Variants in PTPRD observed in about 807,000 individuals in gnomAD.
PTPRD encodes the protein protein tyrosine phosphatase receptor type D, also known as receptor-type tyrosine-protein phosphatase delta.
In PTPRD, 34 loss-of-function variants were observed where a neutral mutation model predicts 214.5. The ratio of observed to expected loss-of-function variants is 0.16; its 90% CI spans 0.12 to 0.21. The LOEUF (loss-of-function observed/expected upper bound fraction) is 0.21, where lower values mean the gene tolerates loss of function less well. PTPRD is among the 10% of genes least tolerant of loss of function. The pLI, the probability that PTPRD is intolerant of heterozygous loss-of-function variation, is 1.00. For missense variants in PTPRD, 2,545 were observed against 2,398.7 expected (o/e 1.06, Z -1.27); for synonymous variants, 1,128 against 845.7 (o/e 1.33, Z -5.79).
At chr9:8,607,908 CAA>C (rs2095295783) in intron 14 of PTPRD, among the ~76,000 whole-genome samples, 1 of 152,102 alleles carries the variant, frequency 6.6e-6, no homozygotes, top group African/African-American at 2.4e-5. Flanking sequence ...TTATAGGAAA[CAA>C]ATATTATTCT....
At chr9:9,865,821 A>T (rs981308016) in intron 5 of PTPRD, among the ~76,000 whole-genome samples, 1 of 152,218 alleles carries the variant, frequency 6.6e-6, no homozygotes, top group East Asian at 1.9e-4. Flanking sequence ...TTAGCCGATT[A>T]AAGATAATTT....
At chr9:8,868,051 T>C (rs926430733) in intron 11 of PTPRD, among the ~76,000 whole-genome samples, 2 of 152,170 alleles carry the variant, frequency 1.3e-5, no homozygotes, top group African/African-American at 4.8e-5. Flanking sequence ...GTCCAAATGT[T>C]TGGACTTGCA....
chr9:9,720,526 A>G (rs2097916816), intron 7 of PTPRD, among the ~76,000 whole-genome samples: 1 of 152,228 alleles, frequency 6.6e-6, no homozygotes, highest in Non-Finnish European at 1.5e-5. Flanking sequence ...GTAAACATAT[A>G]TAGAATGACT....
At chr9:9,915,357 A>C (rs2080422552) in intron 5 of PTPRD, among the ~76,000 whole-genome samples, 1 of 152,136 alleles carries the variant, frequency 6.6e-6, no homozygotes, top group Non-Finnish European at 1.5e-5. Flanking sequence ...TCCAAAAAAA[A>C]CTGATTATCT....
intron 14 of PTPRD, among the ~76,000 whole-genome samples, chr9:8,541,563 G>A (rs1211613670): frequency 6.6e-6 from 1 of 152,028 alleles, no homozygotes; most frequent in Non-Finnish European, 1.5e-5. Flanking sequence ...ATGGGTTTTT[G>A]CTATGTTCCC....
chr9:8,680,253 A>G lies in PTPRD; in HGVS notation c.65-43409T>C, dbSNP rs534139299. On this transcript the variant is annotated intron_variant, in intron 12 of 45. Coordinates refer to ENST00000381196, the MANE Select transcript of PTPRD (RefSeq NM_002839.4). ...CAAAAGCGCTAACACTGGAAAACCA[A>G]TGTTGAAAAGAACCCACAGTTTTCA... Among the ~76,000 whole-genome samples the G allele has an allele frequency of 5.9e-5, 9 of 152,320 alleles. No individual in the cohort carries two copies. In the South Asian group the frequency reaches 1.7e-3, roughly 28 times the overall value.
At chr9:9,136,230 A>G (rs1471803468) in intron 10 of PTPRD, among the ~76,000 whole-genome samples, 1 of 152,058 alleles carries the variant, frequency 6.6e-6, no homozygotes, top group East Asian at 1.9e-4. Context: ...AAGCTCAAGT[A>G]TTTTCATTCC....
chr9:10,464,730 A>C (rs950294363), intron 2 of PTPRD, among the ~76,000 whole-genome samples: 6 of 152,050 alleles, frequency 3.9e-5, no homozygotes, highest in East Asian at 1.9e-4. Flanking sequence ...AGAAAAAAAA[A>C]CTCATCGTCT....
chr9:8,850,353 GAAAAT>G (rs1026342078), intron 11 of PTPRD, among the ~76,000 whole-genome samples: 6 of 152,108 alleles, frequency 3.9e-5, no homozygotes, highest in Non-Finnish European at 7.4e-5. Context: ...TAGATAAAAT[GAAAAT>G]AAAAGAGTTT....
At chr9:10,416,988 C>G (rs905193290) in intron 2 of PTPRD, among the ~76,000 whole-genome samples, 4 of 151,848 alleles carry the variant, frequency 2.6e-5, no homozygotes, top group African/African-American at 9.7e-5. Flanking sequence ...TTCTAAACAA[C>G]TTTTATCTTC....
At chr9:8,869,717 T>C (rs1012458069) in intron 11 of PTPRD, among the ~76,000 whole-genome samples, 11 of 148,500 alleles carry the variant, frequency 7.4e-5, no homozygotes, top group African/African-American at 2.2e-4. Flanking sequence ...TTCTTTCTTC[T>C]GTACTTCTTA....
intron 3 of PTPRD, among the ~76,000 whole-genome samples, chr9:10,124,732 T>G (rs2098802557): frequency 1.3e-5 from 2 of 152,248 alleles, no homozygotes; most frequent in African/African-American, 4.8e-5. Context: ...GTTGTAATAA[T>G]AAAGTTGCAT....
intron 39 of PTPRD, among the ~76,000 whole-genome samples, chr9:8,356,147 T>C (rs1278403441): frequency 1.3e-5 from 2 of 152,210 alleles, no homozygotes; most frequent in African/African-American, 4.8e-5. Flanking sequence ...TATCTCCAGA[T>C]ACCTGAAAAT....
chr9:9,797,740 G>T (rs967679882), intron 5 of PTPRD, among the ~76,000 whole-genome samples: 15 of 151,938 alleles, frequency 9.9e-5, no homozygotes, highest in African/African-American at 3.1e-4. Context: ...CAGCTACTCG[G>T]GGGGGGCTGA....
chr9:9,357,742 G>C (rs1004459795), intron 9 of PTPRD, among the ~76,000 whole-genome samples: 1 of 150,756 alleles, frequency 6.6e-6, no homozygotes, highest in African/African-American at 2.4e-5. Context: ...CAGTTAAGAG[G>C]GCAATAGTGC....
chr9:9,195,107 T>TATATATACAC (rs58832794), intron 9 of PTPRD, among the ~76,000 whole-genome samples: 11 of 141,202 alleles, frequency 7.8e-5, no homozygotes, highest in South Asian at 7.2e-4. Context: ...TATATATATA[T>TATATATACAC]ACACACACAC....
Position 8,948,517 on chromosome 9 carries a change from A to T in PTPRD, c.-104+70180T>A, listed in dbSNP as rs4008145. Among the ~76,000 whole-genome samples, 42 of 10,352 alleles carry T rather than the reference A, an allele frequency of 4.1e-3. 7 individuals carry two copies. Among genetic ancestry groups the T allele is most frequent in the Non-Finnish European group, 0.011 (27 of 2,534 alleles). The allele number at this position is 10,352 out of a possible 152,430, so 6.8% of individuals were successfully genotyped here. ...TTTATATATATATTTATATATATAT[A>T]TTTATATATATATTTATATATATAT... On this transcript the variant is annotated intron_variant, in intron 11 of 45. Coordinates refer to ENST00000381196, the MANE Select transcript of PTPRD (RefSeq NM_002839.4).
intron 10 of PTPRD, among the ~76,000 whole-genome samples, chr9:9,171,240 T>C (rs575628010): frequency 9.2e-5 from 14 of 152,034 alleles, no homozygotes; most frequent in Non-Finnish European, 2.1e-4. Context: ...TTCACAGATC[T>C]ATAACTCTGA....
At chr9:8,604,372 C>G (rs2095071326) in intron 14 of PTPRD, among the ~76,000 whole-genome samples, 1 of 152,096 alleles carries the variant, frequency 6.6e-6, no homozygotes, top group African/African-American at 2.4e-5. Flanking sequence ...CTGGATGAAT[C>G]ACAGATAGGG....
Sources: gnomAD v4.1 joint callset for allele counts (sites outside exome capture counted in the v4.1 genomes callset) on GRCh38, gnomAD v4.1.1 for gene constraint, MANE v1.5 for transcripts, NCBI Gene and HGNC (gene_info 2026-07-23, HGNC 2026-07-21) for gene names.